Variants in ANKRD44 observed in about 807,000 individuals in gnomAD.
ANKRD44 encodes serine/threonine-protein phosphatase 6 regulatory ankyrin repeat subunit B.
Under a neutral mutation model 116.0 loss-of-function variants are expected in ANKRD44, and 35 were observed. That is an observed-to-expected ratio of 0.30 (90% CI 0.23 to 0.40). The LOEUF is 0.40. Among genes scored for constraint, ANKRD44 ranks in the 10% least tolerant of loss-of-function variants. The pLI is 1.00. For missense variants in ANKRD44, 1,014 were observed against 1,242.6 expected (o/e 0.82, Z 2.77); for synonymous variants, 435 against 461.8 (o/e 0.94, Z 0.74).
intron 8 of ANKRD44, among the ~76,000 whole-genome samples, chr2:197,120,833 T>C (rs2125320897): frequency 6.6e-6 from 1 of 152,274 alleles, no homozygotes; most frequent in East Asian, 1.9e-4. Flanking sequence ...AGATCCAGTA[T>C]TTGTCCTGAC....
chr2:196,972,265 G>A (rs2075721206), intron 21 of ANKRD44, among the ~76,000 whole-genome samples: 2 of 152,246 alleles, frequency 1.3e-5, no homozygotes, highest in South Asian at 4.1e-4. Flanking sequence ...GTATGGTAGT[G>A]CAATCTCAGC....
At chr2:197,217,662 C>T (rs745738073) in intron 1 of ANKRD44, among the ~76,000 whole-genome samples, 2 of 152,150 alleles carry the variant, frequency 1.3e-5, no homozygotes, top group African/African-American at 2.4e-5. Context: ...AGAGCTATAA[C>T]GGTTCTGAGC....
chr2:197,284,606 C>T (rs576486483), intron 1 of ANKRD44, among the ~76,000 whole-genome samples: 9 of 151,550 alleles, frequency 5.9e-5, no homozygotes, highest in South Asian at 4.2e-4. Context: ...ATTATTAGAG[C>T]CAGGCGTGGT....
chr2:197,164,371 G>C (rs1178633526), intron 2 of ANKRD44, among the ~76,000 whole-genome samples: 2 of 152,166 alleles, frequency 1.3e-5, no homozygotes, highest in Admixed American at 1.3e-4. Flanking sequence ...GGGGTCCCTG[G>C]AGTTCCCTGG....
chr2:197,164,046 C>T (rs1436566234), intron 2 of ANKRD44, among the ~76,000 whole-genome samples: 1 of 152,206 alleles, frequency 6.6e-6, no homozygotes, highest in Non-Finnish European at 1.5e-5. Context: ...CCTTACTCTT[C>T]TCAATCCCTC....
chr2:197,237,461 C>T (rs1388113810), intron 1 of ANKRD44, among the ~76,000 whole-genome samples: 2 of 152,194 alleles, frequency 1.3e-5, no homozygotes, highest in Non-Finnish European at 2.9e-5. Context: ...TGCTGAACTC[C>T]TTCTGTGGGA....
intron 16 of ANKRD44, among the ~76,000 whole-genome samples, chr2:197,068,523 G>C (rs1171086858): frequency 1.3e-5 from 2 of 151,708 alleles, no homozygotes; most frequent in Non-Finnish European, 2.9e-5. Flanking sequence ...AGAGTGAACA[G>C]GCAACCTACA....
At chr2:197,114,688 A>AC (rs2078667219) in intron 8 of ANKRD44, among the ~76,000 whole-genome samples, 1 of 151,990 alleles carries the variant, frequency 6.6e-6, no homozygotes, top group African/African-American at 2.4e-5. Context: ...GGCATGGTAC[A>AC]CCCCTGGGGT....
At chr2:197,252,397 T>G (rs560052606) in intron 1 of ANKRD44, among the ~76,000 whole-genome samples, 1 of 148,294 alleles carries the variant, frequency 6.7e-6, no homozygotes, top group South Asian at 2.2e-4. Context: ...TGAATATATA[T>G]ATATGTAATT....
intron 1 of ANKRD44, among the ~76,000 whole-genome samples, chr2:197,218,861 G>A (rs2081516950): frequency 7.2e-6 from 1 of 139,126 alleles, no homozygotes; most frequent in African/African-American, 2.6e-5. Context: ...CTGGGTTCAA[G>A]CAATTCTCCT....
chr2:196,983,830 C>T (rs1290237938), downstream of ANKRD44, among the ~76,000 whole-genome samples: 3 of 152,158 alleles, frequency 2.0e-5, no homozygotes, highest in African/African-American at 7.2e-5. Context: ...GGGCCAAGTG[C>T]CCCACCTTTG....
intron 17 of ANKRD44, among the ~76,000 whole-genome samples, chr2:197,018,878 T>C (rs1291491651): frequency 1.3e-5 from 2 of 152,218 alleles, no homozygotes; most frequent in African/African-American, 4.8e-5. Context: ...CCCAAACATC[T>C]TTTCTTATAG....
At chr2:197,046,938 GCTAT>G (rs1220731377) in intron 16 of ANKRD44, among the ~76,000 whole-genome samples, 14 of 152,012 alleles carry the variant, frequency 9.2e-5, no homozygotes, top group African/African-American at 3.1e-4. Context: ...AGCATTTATA[GCTAT>G]CTATGAATAA....
intron 1 of ANKRD44, among the ~76,000 whole-genome samples, chr2:197,264,909 T>C (rs1393154968): frequency 6.6e-6 from 1 of 152,202 alleles, no homozygotes; most frequent in East Asian, 1.9e-4. Flanking sequence ...AAAAATTATA[T>C]GGTTTTCTTT....
chr2:197,203,952 G>A lies in ANKRD44; in HGVS notation c.28-16846C>T, dbSNP rs1194288288. Among the ~76,000 whole-genome samples the A allele has an allele frequency of 6.6e-6, 1 of 152,206 alleles. No homozygotes were observed. The highest frequency in any genetic ancestry group is 1.5e-5 in the Non-Finnish European group (1 of 68,032). ...CTGATTAGCAGTTACCAGGGATCGG[G>A]AGGGAACGGGAAGTGACTGCTTCAT... On this transcript the variant is annotated intron_variant, in intron 1 of 27. Coordinates refer to ENST00000282272, the MANE Select transcript of ANKRD44 (RefSeq NM_001195144.2). This position sits in a 1 kb window ranked among gnomAD's most constrained non-coding sequence, Gnocchi z 4.1.
intron 9 of ANKRD44, among the ~76,000 whole-genome samples, chr2:197,110,052 G>C (rs2579404): frequency 0.92 from 140,364 of 151,978 alleles, 65,167 homozygotes; most frequent in East Asian, 0.98. Context: ...TCTTGGCTCA[G>C]TGCAACTTCC....
At chr2:197,052,163 T>G (rs1350972899) in intron 16 of ANKRD44, among the ~76,000 whole-genome samples, 1 of 152,206 alleles carries the variant, frequency 6.6e-6, no homozygotes, top group African/African-American at 2.4e-5. Flanking sequence ...GGGAATAGTG[T>G]AACCATCAAC....
chr2:197,067,042 G>A (rs1323819829), intron 16 of ANKRD44, among the ~76,000 whole-genome samples: 2 of 151,720 alleles, frequency 1.3e-5, no homozygotes, highest in Admixed American at 1.3e-4. Flanking sequence ...TATACTACAA[G>A]GCTACAGTAA....
chr2:197,269,697 G>C (rs998936428), intron 1 of ANKRD44, among the ~76,000 whole-genome samples: 1 of 152,138 alleles, frequency 6.6e-6, no homozygotes, highest in Non-Finnish European at 1.5e-5. Flanking sequence ...GCCAAACCAT[G>C]CTAGGTACTG....
Sources: allele counts gnomAD v4.1 joint callset (sites outside exome capture counted in the v4.1 genomes callset), GRCh38; gene constraint gnomAD v4.1.1; non-coding constraint Gnocchi (gnomAD v3.1); transcripts MANE v1.5; gene names NCBI Gene and HGNC (gene_info 2026-07-23, HGNC 2026-07-21).